The following PRORP variants were observed in gnomAD, a reference collection of about 807,000 sequenced individuals.
The protein encoded by PRORP is mitochondrial ribonuclease P catalytic subunit.
PRORP carries 51 observed loss-of-function variants against 59.4 expected under a neutral mutation model. The ratio of observed to expected loss-of-function variants is 0.86; its 90% CI spans 0.69 to 1.08. The LOEUF is 1.08. Among genes scored for constraint, PRORP ranks in the 50% least tolerant of loss-of-function variants. The probability of loss-of-function intolerance (pLI) is 0.00; values close to 1 mark genes in which losing one functional copy is unlikely to be tolerated. For missense variants in PRORP, 646 were observed against 690.3 expected, an observed-to-expected ratio of 0.94 and a Z score of 0.72; for synonymous variants, 231 against 245.6, an observed-to-expected ratio of 0.94 and a Z score of 0.55.
At chr14:35,164,506 G>T (rs539916246) in intron 4 of PRORP, among the ~76,000 whole-genome samples, 1 of 152,186 alleles carries the variant, frequency 6.6e-6, no homozygotes. Flanking sequence ...GGAGCCGGAC[G>T]CCATAATCCT....
intron 4 of PRORP, among the ~76,000 whole-genome samples, chr14:35,139,509 AT>A (rs903196973): frequency 6.9e-6 from 1 of 143,934 alleles, no homozygotes; most frequent in Non-Finnish European, 1.5e-5. Context: ...TTTTGGTCTG[AT>A]TTGTTTTATT....
rs144354606 is a variant in PRORP, at chr14:35,205,410, G to A, written c.1275+24633G>A. Among the ~76,000 whole-genome samples the A allele has an allele frequency of 1.4e-4, 22 of 152,134 alleles. No individual in the cohort carries two copies. In the East Asian group the frequency reaches 3.5e-3, roughly 24 times the overall value. The stretch of plus-strand genomic sequence containing the variant: ...TCACCATGTTGGCCAGACTGGTCTC[G>A]AACTCCTGACCTCAGGCAATCTGTC... On this transcript the variant is annotated intron_variant, in intron 5 of 7. Coordinates refer to ENST00000534898, the MANE Select transcript of PRORP (RefSeq NM_014672.4).
chr14:35,124,474 T>C (rs1191300330), intron 2 of PRORP: 1 of 252,210 alleles, frequency 4.0e-6, no homozygotes, highest in African/African-American at 2.2e-5. Flanking sequence ...AAAGTAGCCA[T>C]TCTTTTTTGT....
Position 35,214,269 on chromosome 14 carries a change from T to A in PRORP, c.1275+33492T>A, listed in dbSNP as rs148418988. Among the ~76,000 whole-genome samples, 639 of 152,284 alleles carry A rather than the reference T, an allele frequency of 4.2e-3. 8 individuals are homozygous for A. The highest frequency in any genetic ancestry group is 0.014 in the African/African-American group (599 of 41,558). Reference sequence around the variant, plus strand: ...GTATTATTTTTGAAGAAGAGTTGTATTTTTTATGGGTAGCCATTTGTAAAC... The same window carrying A: ...GTATTATTTTTGAAGAAGAGTTGTAATTTTTATGGGTAGCCATTTGTAAAC... On this transcript the variant is annotated intron_variant, in intron 5 of 7. Transcript: ENST00000534898.
chr14:35,266,984 A>G, intron 6 of PRORP, 109 bp downstream of exon 6: 1 of 948,610 alleles, frequency 1.1e-6, no homozygotes, highest in South Asian at 2.9e-5. Context: ...GTGTATACTC[A>G]CCCTCATTAA....
chr14:35,174,100 C>T (rs2048385020), intron 4 of PRORP, among the ~76,000 whole-genome samples: 1 of 151,262 alleles, frequency 6.6e-6, no homozygotes, highest in Non-Finnish European at 1.5e-5. Flanking sequence ...ACTTCTGCCA[C>T]ATCCCACTCA....
rs764765735 is a variant in PRORP, at chr14:35,124,146, C to T, written c.901C>T (p.Leu301=). The T allele has an allele frequency of 1.2e-6, 2 of 1,607,740 alleles. No homozygotes were observed. Among genetic ancestry groups the T allele is most frequent in the Non-Finnish European group, 1.7e-6 (2 of 1,176,352 alleles). The change falls in exon 2 of 8, where the codon CTA becomes TTA. Residue 301 remains leucine (L), a synonymous_variant. Transcript: ENST00000534898. ...DIKDDNYSNK[L]LDILSYLRNN... is the part of the protein sequence containing the mutation. ...AAAGGATGATAACTATTCAAATAAA[C>T]TACTAGATATTCTTTCATATCTAAG...
chr14:35,180,127 T>C (rs1365646068), intron 4 of PRORP, among the ~76,000 whole-genome samples: 1 of 152,172 alleles, frequency 6.6e-6, no homozygotes, highest in Non-Finnish European at 1.5e-5. Context: ...CCGTGTGAGG[T>C]GTCAGTCTGC....
intron 5 of PRORP, among the ~76,000 whole-genome samples, chr14:35,251,340 A>G (rs2050608102): frequency 6.6e-6 from 1 of 152,204 alleles, no homozygotes; most frequent in African/African-American, 2.4e-5. Flanking sequence ...CACAGTTTGC[A>G]ATTGCAAAAA....
At chr14:35,251,743 C>CG (rs1433643891) in intron 5 of PRORP, among the ~76,000 whole-genome samples, 2 of 151,746 alleles carry the variant, frequency 1.3e-5, no homozygotes, top group Non-Finnish European at 2.9e-5. Flanking sequence ...TTAGTAGAGA[C>CG]GGGGGTTTCA....
chr14:35,135,376 C>A (rs908702986), intron 4 of PRORP, among the ~76,000 whole-genome samples: 1 of 152,140 alleles, frequency 6.6e-6, no homozygotes, highest in African/African-American at 2.4e-5. Flanking sequence ...TTGCTCCACC[C>A]CTTCTCCTCT....
intron 4 of PRORP, among the ~76,000 whole-genome samples, chr14:35,129,042 C>CAA (rs58337817): frequency 0.03 from 3,481 of 116,644 alleles, 57 homozygotes; most frequent in Middle Eastern, 0.059. Context: ...ACTAAAAATA[C>CAA]AAAAAAAAAA....
chr14:35,160,869 A>G (rs2048041914), intron 4 of PRORP, among the ~76,000 whole-genome samples: 1 of 152,242 alleles, frequency 6.6e-6, no homozygotes, highest in South Asian at 2.1e-4. Flanking sequence ...AACATGATTT[A>G]TGAACCATGC....
intron 5 of PRORP, among the ~76,000 whole-genome samples, chr14:35,206,371 G>A (rs1016961789): frequency 2.0e-5 from 3 of 152,146 alleles, no homozygotes; most frequent in African/African-American, 7.2e-5. Flanking sequence ...GTGAGAATGT[G>A]GCCAGGCTTT....
Position 35,227,663 on chromosome 14 carries a change from C to T in PRORP, c.1276-39064C>T, listed in dbSNP as rs536186177. On this transcript the variant is annotated intron_variant, in intron 5 of 7. Transcript: ENST00000534898. Reference sequence around the variant, plus strand: ...AAAATATCCTTACTTCTCCCAGGGACTCTCTACTTCTCAGAGAGTCCCAGT... The same window carrying T: ...AAAATATCCTTACTTCTCCCAGGGATTCTCTACTTCTCAGAGAGTCCCAGT... 2.0e-5 allele frequency among the ~76,000 whole-genome samples: 3 copies of T among 152,230 alleles called. No homozygotes were observed. The South Asian group carries it at 6.2e-4, about 32-fold the overall frequency.
chr14:35,134,867 A>G (rs538795333), intron 4 of PRORP, among the ~76,000 whole-genome samples: 13 of 152,214 alleles, frequency 8.5e-5, no homozygotes, highest in African/African-American at 2.2e-4. Flanking sequence ...AAGAGTTGCA[A>G]TCCTTGTGGC....
chr14:35,199,030 T>C (rs578255307), intron 5 of PRORP, among the ~76,000 whole-genome samples: 2 of 152,286 alleles, frequency 1.3e-5, no homozygotes, highest in South Asian at 4.1e-4. Context: ...TAGCTAGGCC[T>C]GGTGGCGGGC....
intron 4 of PRORP, among the ~76,000 whole-genome samples, chr14:35,136,826 T>C (rs2047387222): frequency 6.9e-6 from 1 of 145,070 alleles, no homozygotes; most frequent in Non-Finnish European, 1.5e-5. Flanking sequence ...GTGAGAACAG[T>C]AGTGGGCTCA....
At chr14:35,176,414 C>A (rs938252076) in intron 4 of PRORP, among the ~76,000 whole-genome samples, 1 of 152,106 alleles carries the variant, frequency 6.6e-6, no homozygotes, top group East Asian at 1.9e-4. Flanking sequence ...TTTTTTATTT[C>A]GTTGAGCAGT....
Sources: gnomAD v4.1 joint callset for allele counts (sites outside exome capture counted in the v4.1 genomes callset) on GRCh38, gnomAD v4.1.1 for gene constraint, MANE v1.5 for transcripts, NCBI Gene and HGNC (gene_info 2026-07-23, HGNC 2026-07-21) for gene names.